The following NRXN1 variants were observed in gnomAD, a reference collection of about 807,000 sequenced individuals.
The protein encoded by NRXN1 is neurexin-1.
NRXN1 carries 39 observed loss-of-function variants against 150.9 expected under a neutral mutation model. The ratio of observed to expected loss-of-function variants is 0.26; its 90% CI spans 0.20 to 0.34. The LOEUF (loss-of-function observed/expected upper bound fraction) is 0.34. Ranked by LOEUF, NRXN1 falls within the 10% of genes least tolerant of loss-of-function variation. The pLI is 1.00. For synonymous variants in NRXN1, 924 were observed against 757.0 expected, an observed-to-expected ratio of 1.22 and a Z score of -3.62; for missense variants, 1,815 against 1,949.9, an observed-to-expected ratio of 0.93 and a Z score of 1.30.
At chr2:50,835,958 G>A (rs1000415714) in intron 5 of NRXN1, among the ~76,000 whole-genome samples, 17 of 152,244 alleles carry the variant, frequency 1.1e-4, no homozygotes, top group African/African-American at 3.9e-4. Flanking sequence ...GTTAAATGAG[G>A]ATAAAGACAC....
chr2:50,736,852 T>C (rs1698821392), intron 5 of NRXN1, among the ~76,000 whole-genome samples: 1 of 152,202 alleles, frequency 6.6e-6, no homozygotes, highest in South Asian at 2.1e-4. Flanking sequence ...GACTTTATTT[T>C]TGCTCATTAC....
rs1553362548 is a variant in NRXN1 at position 49,919,494 on chromosome 2, A to ATATT, written c.*2446_*2449dup. 2.0e-5 allele frequency: 3 copies of ATATT among 152,020 alleles called. No homozygotes were observed. The highest frequency in any genetic ancestry group is 2.0e-4 in the Admixed American group (3 of 15,262). 9.4% of individuals were successfully genotyped at this position (152,020 alleles called of 1,614,324 possible). ...ACCATTATTCAATTTATTTTCTATT[A>ATATT]TATTTTAGAATCTTTCCAGATGGAA... is the stretch of plus-strand genomic sequence containing the variant. On this transcript the variant is annotated 3_prime_UTR_variant, in exon 23 of 23. Coordinates refer to ENST00000401669, the MANE Select transcript of NRXN1 (RefSeq NM_001330078.2).
intron 5 of NRXN1, among the ~76,000 whole-genome samples, chr2:50,730,178 G>T (rs952364494): frequency 6.6e-6 from 1 of 152,116 alleles, no homozygotes; most frequent in African/African-American, 2.4e-5. Context: ...GATCTTGCCA[G>T]TGTTCTCTTG....
intron 18 of NRXN1, among the ~76,000 whole-genome samples, chr2:50,189,616 G>A (rs72887740): frequency 0.02 from 2,969 of 152,146 alleles, 81 homozygotes; most frequent in African/African-American, 0.068. Flanking sequence ...GTATATCTTG[G>A]TGGCAAATGA....
At chr2:50,577,685 G>T (rs1332101700) in intron 8 of NRXN1, among the ~76,000 whole-genome samples, 3 of 150,986 alleles carry the variant, frequency 2.0e-5, no homozygotes, top group African/African-American at 7.3e-5. Context: ...AATACATTTA[G>T]TCACGGTAAT....
At chr2:50,675,264 A>G (rs989178366) in intron 5 of NRXN1, among the ~76,000 whole-genome samples, 3 of 152,152 alleles carry the variant, frequency 2.0e-5, no homozygotes, top group African/African-American at 4.8e-5. Context: ...AAGCCCAGAA[A>G]TTCTACAGAC....
chr2:50,068,894 G>C lies in NRXN1; in HGVS notation c.3719-13850C>G, dbSNP rs139136667. On this transcript the variant is annotated intron_variant, in intron 19 of 22. Transcript: ENST00000401669. The stretch of plus-strand genomic sequence containing the variant: ...TGAGCCTTATTATGAGTGATATCCC[G>C]AACGTAGGTGCTTTATCAAAATCAC... Among the ~76,000 whole-genome samples, 88 of 152,222 alleles carry C rather than the reference G, an allele frequency of 5.8e-4. 1 individual carries two copies. The East Asian group carries it at 0.016, about 28-fold the overall frequency.
intron 8 of NRXN1, among the ~76,000 whole-genome samples, chr2:50,556,071 T>C (rs563028584): frequency 6.6e-6 from 1 of 152,264 alleles, no homozygotes; most frequent in African/African-American, 2.4e-5. Context: ...TTTCTTCCCA[T>C]TTTGTACTCT....
intron 2 of NRXN1, among the ~76,000 whole-genome samples, chr2:50,938,816 C>T (rs1006165450): frequency 3.3e-5 from 5 of 152,130 alleles, no homozygotes; most frequent in Admixed American, 6.6e-5. Context: ...TATGTTCATT[C>T]CTCTGTATTA....
chr2:50,645,968 A>C (rs1684758914), intron 5 of NRXN1, among the ~76,000 whole-genome samples: 1 of 151,956 alleles, frequency 6.6e-6, no homozygotes, highest in South Asian at 2.1e-4. Flanking sequence ...GTGCCTTGAG[A>C]ACAGATACTC....
In NRXN1 at chr2:50,407,494, C is replaced by A. The variant is rs900747546; in HGVS notation, c.3364+57948G>T. 2.0e-5 allele frequency among the ~76,000 whole-genome samples: 3 copies of A among 152,190 alleles called. No individual in the cohort carries two copies. In the South Asian group the frequency reaches 6.2e-4, roughly 32 times the overall value. The stretch of plus-strand genomic sequence containing the variant: ...AGACTCCTATGGCTTGAATATGTGT[C>A]CCCTCCAAAACTCACGTTGAAATTT... On this transcript the variant is annotated intron_variant, in intron 17 of 22. Coordinates refer to ENST00000401669, the MANE Select transcript of NRXN1 (RefSeq NM_001330078.2).
intron 2 of NRXN1, among the ~76,000 whole-genome samples, chr2:51,013,128 A>G (rs1668143945): frequency 6.6e-6 from 1 of 152,058 alleles, no homozygotes; most frequent in Non-Finnish European, 1.5e-5. Context: ...GGAGATGGCA[A>G]AGCAAACAAG....
chr2:50,508,958 T>G (rs867026212), intron 12 of NRXN1, among the ~76,000 whole-genome samples: 1 of 152,306 alleles, frequency 6.6e-6, no homozygotes, highest in Middle Eastern at 3.4e-3. Context: ...GACTGGGAGT[T>G]AAGAATTGCA....
At chr2:50,795,839 AT>A (rs200849274) in intron 5 of NRXN1, among the ~76,000 whole-genome samples, 16,702 of 149,098 alleles carry the variant, frequency 0.11, 1,037 homozygotes, top group Admixed American at 0.2. Context: ...TGTTACATGC[AT>A]TTTTTTTTTC....
chr2:50,699,599 C>T (rs954676904), intron 5 of NRXN1, among the ~76,000 whole-genome samples: 1 of 152,022 alleles, frequency 6.6e-6, no homozygotes, highest in Non-Finnish European at 1.5e-5. Flanking sequence ...ATCCAGGCCC[C>T]CTGCTGACAG....
chr2:50,321,517 T>C (rs1435161214), intron 17 of NRXN1, among the ~76,000 whole-genome samples: 1 of 152,186 alleles, frequency 6.6e-6, no homozygotes, highest in African/African-American at 2.4e-5. Flanking sequence ...AGTGCATAGC[T>C]TTATAAATTT....
At chr2:50,426,881 G>A (rs1223463681) in intron 17 of NRXN1, among the ~76,000 whole-genome samples, 2 of 152,086 alleles carry the variant, frequency 1.3e-5, no homozygotes, top group Non-Finnish European at 2.9e-5. Flanking sequence ...TAAATTCACA[G>A]CCTTTCTTTC....
chr2:49,964,544 C>A (rs766844604), intron 21 of NRXN1, among the ~76,000 whole-genome samples: 10 of 151,112 alleles, frequency 6.6e-5, no homozygotes, highest in Admixed American at 1.3e-4. Flanking sequence ...CACGCCATTG[C>A]ACTTCAGCAA....
chr2:50,922,703 G>C lies in NRXN1; in HGVS notation c.791-16C>G. 1 of 1,609,850 alleles carries C rather than the reference G, an allele frequency of 6.2e-7. No homozygotes were observed. Among genetic ancestry groups the C allele is most frequent in the Non-Finnish European group, 8.5e-7 (1 of 1,177,804 alleles). On this transcript the variant is annotated splice_polypyrimidine_tract_variant and intron_variant, in intron 3 of 22. Coordinates refer to ENST00000401669, the MANE Select transcript of NRXN1 (RefSeq NM_001330078.2). The stretch of plus-strand genomic sequence containing the variant: ...TGCGCCAGACCTTGAAGGGAAACAA[G>C]AGCACAGTCAGCAATAAACAAGGGA...
Sources: allele counts gnomAD v4.1 joint callset (sites outside exome capture counted in the v4.1 genomes callset), GRCh38; gene constraint gnomAD v4.1.1; transcripts MANE v1.5; gene names NCBI Gene and HGNC (gene_info 2026-07-23, HGNC 2026-07-21).